PRSS41: variants seen among roughly 807,000 people sequenced by gnomAD.
PRSS41 encodes the protein serine protease 41.
A neutral mutation model predicts 28.8 loss-of-function variants in PRSS41; 37 were observed. That is an observed-to-expected ratio of 1.29 (90% CI 0.99 to 1.69). PRSS41 has a LOEUF of 1.69. Among genes scored for constraint, PRSS41 ranks in the 40% most tolerant of loss-of-function variants. The pLI is 0.00. For synonymous variants in PRSS41, 195 were observed against 163.1 expected, an observed-to-expected ratio of 1.20 and a Z score of -1.49; for missense variants, 431 against 400.7, an observed-to-expected ratio of 1.08 and a Z score of -0.65.
chr16:2,799,580 G>C lies in PRSS41; in HGVS notation c.541+11G>C. 1 of 1,550,516 alleles carries C rather than the reference G, an allele frequency of 6.4e-7. No homozygotes were observed. The highest frequency in any genetic ancestry group is 2.4e-5 in the East Asian group (1 of 40,914). ...TCAGCCCCAGTGGCAGTGAGGCTGG[G>C]GATAGACCGGGTGGGGTGATGGGGG... On this transcript the variant is annotated intron_variant, in intron 4 of 5. Transcript: ENST00000399677.
At position 2,799,371 on chromosome 16, in the gene PRSS41, C is replaced by A. The variant is rs201777593; in HGVS notation, c.343C>A (p.Arg115Ser). 337 of 1,551,914 alleles carry A rather than the reference C, an allele frequency of 2.2e-4. No homozygotes were observed. The highest frequency in any genetic ancestry group is 2.9e-4 in the Non-Finnish European group (327 of 1,147,050). ...TTGGAACCTGCGGGCCTACAGCAGT[C>A]GTTACAAAGTGCAGGACATCATTGT... The change falls in exon 4 of 6, where the codon CGT (arginine) becomes AGT (serine). Residue 115 changes from arginine (R) to serine (S), a missense_variant. By Grantham distance (110) the Arg-to-Ser change is moderately radical (BLOSUM62 -1). Transcript: ENST00000399677.
exon 3 of PRSS41, chr16:2,799,022 G>A: frequency 1.3e-6 from 2 of 1,532,310 alleles, no homozygotes; most frequent in African/African-American, 1.4e-5. Flanking sequence ...GCGCGCGGGC[G>A]CTGGCCATGG....
chr16:2,798,845 C>T, intron 2 of PRSS41, 114 bp from the exon 3 acceptor site: 2 of 1,290,810 alleles, frequency 1.5e-6, no homozygotes, highest in East Asian at 2.9e-5. Flanking sequence ...CTTCTTGGCG[C>T]GCGGTTCCCC....
At chr16:2,799,549 G>A (rs2068972943) in exon 4 of PRSS41, 1 of 1,551,602 alleles carries the variant, frequency 6.4e-7, no homozygotes, top group South Asian at 1.2e-5. Context: ...ACCGGCTGGG[G>A]GTTAATCAGC....
chr16:2,798,591 G>A (rs2068963590), intron 1 of PRSS41, 43 bp downstream of exon 1: 1 of 1,524,416 alleles, frequency 6.6e-7, no homozygotes, highest in Non-Finnish European at 8.8e-7. Flanking sequence ...GCAGCGAGGA[G>A]GCCGGGAGGT....
intron 4 of PRSS41, among the ~76,000 whole-genome samples, chr16:2,803,745 ATCT>A (rs757025829): frequency 2.0e-5 from 3 of 152,186 alleles, no homozygotes; most frequent in African/African-American, 7.2e-5. Flanking sequence ...CTAATGACAA[ATCT>A]TCTCAGCTTT....
At chr16:2,800,409 C>T (rs959998676) in intron 4 of PRSS41, among the ~76,000 whole-genome samples, 5 of 151,704 alleles carry the variant, frequency 3.3e-5, no homozygotes, top group South Asian at 2.1e-4. Context: ...GGTGTGGGGG[C>T]GGGTGCCTGT....
intron 2 of PRSS41, 53 bp from the exon 3 acceptor site, chr16:2,798,906 C>T (rs1268976580): frequency 1.0e-5 from 15 of 1,470,020 alleles, no homozygotes; most frequent in Non-Finnish European, 1.4e-5. Flanking sequence ...CAGGGCGGGC[C>T]TGCCCACCCC....
At chr16:2,799,428 G>T in exon 4 of PRSS41, 1 of 1,552,168 alleles carries the variant, frequency 6.4e-7, no homozygotes, top group Non-Finnish European at 8.7e-7. Context: ...TTTACGCAAT[G>T]ACATTGCCCT....
intron 4 of PRSS41, among the ~76,000 whole-genome samples, chr16:2,801,823 G>A (rs1381593344): frequency 6.6e-6 from 1 of 152,236 alleles, no homozygotes; most frequent in African/African-American, 2.4e-5. Flanking sequence ...AACCGCCATT[G>A]TCATCATGGC....
exon 4 of PRSS41, chr16:2,799,402 C>G: frequency 6.4e-7 from 1 of 1,552,150 alleles, no homozygotes; most frequent in East Asian, 2.4e-5. Flanking sequence ...ATTGTGAACC[C>G]TGACGCACTT....
intron 4 of PRSS41, among the ~76,000 whole-genome samples, chr16:2,800,833 T>C (rs115416705): frequency 0.016 from 2,408 of 152,338 alleles, 61 homozygotes; most frequent in African/African-American, 0.055. Context: ...TTTTACTGTT[T>C]TGTAATAGCA....
exon 4 of PRSS41, chr16:2,799,365 A>T: frequency 1.3e-6 from 2 of 1,551,892 alleles, no homozygotes; most frequent in Non-Finnish European, 1.7e-6. Context: ...GCGGGCCTAC[A>T]GCAGTCGTTA....
At chr16:2,798,706 C>G (rs1359138967) in intron 2 of PRSS41, 44 bp downstream of exon 2, 3 of 1,404,862 alleles carry the variant, frequency 2.1e-6, no homozygotes, top group Non-Finnish European at 2.8e-6. Context: ...GCGGCTGGGC[C>G]GGGGTGCACG....
chr16:2,800,322 C>CGGATGCT, intron 4 of PRSS41, among the ~76,000 whole-genome samples: 1 of 152,274 alleles, frequency 6.6e-6, no homozygotes, highest in Middle Eastern at 3.4e-3. Context: ...AGGTGAATCA[C>CGGATGCT]CTGAGGTCAG....
chr16:2,799,107 T>C, exon 3 of PRSS41: 1 of 1,525,450 alleles, frequency 6.6e-7, no homozygotes, highest in East Asian at 2.5e-5. Flanking sequence ...TGCTCTCGGC[T>C]GCGCACTGCT....
intron 5 of PRSS41, 68 bp from the exon 6 acceptor site, chr16:2,804,846 C>G: frequency 8.1e-7 from 1 of 1,241,690 alleles, no homozygotes; most frequent in Non-Finnish European, 1.2e-6. Flanking sequence ...ACAGCCCCTC[C>G]TGCTCTCATG....
chr16:2,805,068 A>G (rs1340036441), exon 6 of PRSS41: 1 of 1,552,310 alleles, frequency 6.4e-7, no homozygotes, highest in Non-Finnish European at 8.7e-7. Context: ...GTGATGTCCC[A>G]CAGTACACCC....
In PRSS41 at chr16:2,798,670, G is replaced by T. The variant is rs888376038; in HGVS notation, c.91+8G>T. ...AGGAGGAGCTGTTGTCAGGTAGGGC[G>T]CCCAGGACGCGCGATGCCAGCCAGG... On this transcript the variant is annotated splice_region_variant and intron_variant, in intron 2 of 5. Coordinates refer to ENST00000399677, the Ensembl canonical transcript of PRSS41. 2 of 1,464,170 alleles carry T rather than the reference G, an allele frequency of 1.4e-6. No homozygotes were observed. The highest frequency in any genetic ancestry group is 2.6e-5 in the Admixed American group (1 of 38,212). The allele number at this position is 1,464,170 out of a possible 1,614,324, so 90.7% of individuals were successfully genotyped here. A position where few individuals can be genotyped will look rare whatever the true frequency, so the allele number is the denominator to read the frequency against.
Sources: gnomAD v4.1 joint callset for allele counts (sites outside exome capture counted in the v4.1 genomes callset) on GRCh38, gnomAD v4.1.1 for gene constraint, MANE v1.5 for transcripts, NCBI Gene and HGNC (gene_info 2026-07-23, HGNC 2026-07-21) for gene names.